The following ZPBP variants were observed in gnomAD, a reference collection of about 807,000 sequenced individuals.
ZPBP encodes zona pellucida binding protein, also known as zona pellucida-binding protein 1.
In ZPBP, 26 loss-of-function variants were observed where a neutral mutation model predicts 44.8. That is an observed-to-expected ratio of 0.58 (90% CI 0.43 to 0.81). The LOEUF (loss-of-function observed/expected upper bound fraction) is 0.81. Among genes scored for constraint, ZPBP ranks in the 30% least tolerant of loss-of-function variants. The probability of loss-of-function intolerance (pLI) is 0.00; values close to 1 mark genes in which losing one functional copy is unlikely to be tolerated. For missense variants in ZPBP, 409 were observed against 434.0 expected, an observed-to-expected ratio of 0.94 and a Z score of 0.51; for synonymous variants, 174 against 153.2, an observed-to-expected ratio of 1.14 and a Z score of -1.00.
chr7:49,897,442 A>T (rs1159027008), intron 2 of ZPBP, among the ~76,000 whole-genome samples: 2 of 152,216 alleles, frequency 1.3e-5, no homozygotes, highest in Non-Finnish European at 1.5e-5. Context: ...ATTGCATGCC[A>T]AGAACAAGGG....
At chr7:50,044,218 AT>A (rs1800231136) in intron 4 of ZPBP, among the ~76,000 whole-genome samples, 1 of 152,232 alleles carries the variant, frequency 6.6e-6, no homozygotes, top group Non-Finnish European at 1.5e-5. Context: ...AGCAGGAAAG[AT>A]TTAAAATTGA....
At chr7:50,003,915 C>T (rs750243377) in intron 6 of ZPBP, among the ~76,000 whole-genome samples, 2 of 152,090 alleles carry the variant, frequency 1.3e-5, no homozygotes, top group Non-Finnish European at 1.5e-5. Context: ...ATAATTTTTA[C>T]AAATTTCCCT....
downstream of ZPBP, among the ~76,000 whole-genome samples, chr7:49,846,674 T>C (rs1313529457): frequency 6.6e-6 from 1 of 152,226 alleles, no homozygotes; most frequent in Admixed American, 6.5e-5. Context: ...AGAGACGTTT[T>C]CATCACAGTA....
chr7:50,062,547 C>T (rs535819523), intron 3 of ZPBP, among the ~76,000 whole-genome samples: 1 of 152,280 alleles, frequency 6.6e-6, no homozygotes, highest in East Asian at 1.9e-4. Flanking sequence ...TGATCTTCAA[C>T]AAAAATGACA....
intron 2 of ZPBP, among the ~76,000 whole-genome samples, chr7:49,889,725 A>G (rs1792050864): frequency 6.6e-6 from 1 of 152,228 alleles, no homozygotes; most frequent in African/African-American, 2.4e-5. Flanking sequence ...TACTGGAAGA[A>G]AAAAGAACTT....
At chr7:50,074,401 A>G (rs1801985741) in intron 3 of ZPBP, among the ~76,000 whole-genome samples, 1 of 151,990 alleles carries the variant, frequency 6.6e-6, no homozygotes, top group Non-Finnish European at 1.5e-5. Flanking sequence ...AAATAATAAA[A>G]TGGCAGGAGG....
At chr7:49,886,700 C>G (rs1791918382) in intron 2 of ZPBP, among the ~76,000 whole-genome samples, 1 of 151,990 alleles carries the variant, frequency 6.6e-6, no homozygotes, top group African/African-American at 2.4e-5. Flanking sequence ...ATTTTGTCAC[C>G]TATTATGTAG....
downstream of ZPBP, among the ~76,000 whole-genome samples, chr7:49,846,925 T>TGAAG (rs1487287902): frequency 2.0e-5 from 3 of 152,226 alleles, no homozygotes; most frequent in African/African-American, 7.2e-5. Context: ...TGTTTTTCTT[T>TGAAG]GAAGGAATAA....
At chr7:49,998,722 A>G (rs945769579) in intron 6 of ZPBP, among the ~76,000 whole-genome samples, 1 of 152,192 alleles carries the variant, frequency 6.6e-6, no homozygotes, top group Non-Finnish European at 1.5e-5. Context: ...CAGAGTGATT[A>G]GTATCTTTAA....
intron 5 of ZPBP, among the ~76,000 whole-genome samples, chr7:50,022,637 T>C (rs1799150449): frequency 6.6e-6 from 1 of 152,120 alleles, no homozygotes. Flanking sequence ...TTCTGGTTTC[T>C]ATTTGACATC....
intron 2 of ZPBP, among the ~76,000 whole-genome samples, chr7:49,855,883 A>G (rs1790398200): frequency 6.6e-6 from 1 of 152,114 alleles, no homozygotes; most frequent in Admixed American, 6.5e-5. Context: ...GGTGAGAGGG[A>G]CAGAGTGAAG....
intron 7 of ZPBP, among the ~76,000 whole-genome samples, chr7:49,967,880 T>C (rs557232769): frequency 6.6e-6 from 1 of 152,192 alleles, no homozygotes; most frequent in African/African-American, 2.4e-5. Flanking sequence ...ATTTTGCAAG[T>C]GGATGGGCAG....
At chr7:49,898,145 G>A (rs756416245) in intron 2 of ZPBP, among the ~76,000 whole-genome samples, 1 of 151,842 alleles carries the variant, frequency 6.6e-6, no homozygotes, top group Non-Finnish European at 1.5e-5. Context: ...ATGTGTGTGT[G>A]TATATATATG....
chr7:50,051,334 G>T (rs1196513620), intron 4 of ZPBP, among the ~76,000 whole-genome samples: 1 of 152,148 alleles, frequency 6.6e-6, no homozygotes, highest in Admixed American at 6.5e-5. Flanking sequence ...CACTGTTGCT[G>T]GGAGTGTAAA....
At chr7:50,083,970 C>T (rs1206629383) in intron 2 of ZPBP, among the ~76,000 whole-genome samples, 3 of 151,930 alleles carry the variant, frequency 2.0e-5, no homozygotes. Flanking sequence ...TAAATGGTAA[C>T]ACTTTCTGTT....
intron 6 of ZPBP, among the ~76,000 whole-genome samples, chr7:50,010,046 A>G (rs1207071267): frequency 2.0e-5 from 3 of 152,176 alleles, no homozygotes; most frequent in Middle Eastern, 3.2e-3. Context: ...AATATAGTAA[A>G]AATGTAAGTT....
rs1052425609 is a variant in ZPBP, at chr7:49,856,869, C to T, written n.510-6355G>A. On this transcript the variant is annotated intron_variant and non_coding_transcript_variant, in intron 2 of 2. Coordinates refer to the ZPBP transcript ENST00000465922. ...CTAAAAATACAAAAAATTAGCTGGGCGTGGTGGCGGGCGCCTGTAGTCCCA... is the reference window on the plus strand; with the variant it reads ...CTAAAAATACAAAAAATTAGCTGGGTGTGGTGGCGGGCGCCTGTAGTCCCA... Among the ~76,000 whole-genome samples the T allele has an allele frequency of 1.1e-4, 17 of 151,776 alleles. 1 individual carries two copies. The East Asian group carries it at 2.3e-3, about 21-fold the overall frequency.
intron 1 of ZPBP, among the ~76,000 whole-genome samples, chr7:50,092,486 G>T (rs757817290): frequency 5.3e-5 from 8 of 152,106 alleles, no homozygotes; most frequent in African/African-American, 1.9e-4. Flanking sequence ...TTTGAGTCTA[G>T]AATGCAGCCA....
At chr7:49,907,170 G>A (rs960354278) in intron 1 of ZPBP, among the ~76,000 whole-genome samples, 1 of 152,030 alleles carries the variant, frequency 6.6e-6, no homozygotes, top group Non-Finnish European at 1.5e-5. Flanking sequence ...AGAAAAATGA[G>A]GAAATAATTT....
Sources: gnomAD v4.1 joint callset for allele counts (sites outside exome capture counted in the v4.1 genomes callset) on GRCh38, gnomAD v4.1.1 for gene constraint, MANE v1.5 for transcripts, NCBI Gene and HGNC (gene_info 2026-07-23, HGNC 2026-07-21) for gene names.